SEMA4D: variants seen among roughly 807,000 people sequenced by gnomAD.
SEMA4D encodes the protein semaphorin 4D.
Under a neutral mutation model 74.8 loss-of-function variants are expected in SEMA4D, and 22 were observed. That is an observed-to-expected ratio of 0.29 (90% CI 0.21 to 0.42). The LOEUF (loss-of-function observed/expected upper bound fraction) is 0.42, where lower values mean the gene tolerates loss of function less well. SEMA4D is among the 10% of genes least tolerant of loss of function. SEMA4D has a pLI of 1.00. For synonymous variants in SEMA4D, 445 were observed against 463.7 expected, an observed-to-expected ratio of 0.96 and a Z score of 0.52; for missense variants, 937 against 1,118.4, an observed-to-expected ratio of 0.84 and a Z score of 2.31.
At chr9:89,404,539 T>C (rs117976945) in intron 3 of SEMA4D, among the ~76,000 whole-genome samples, 207 of 95,122 alleles carry the variant, frequency 2.2e-3, no homozygotes, top group Middle Eastern at 7.7e-3. Flanking sequence ...GAAGTGGAGT[T>C]CCTGTCCCGT....
intron 1 of SEMA4D, among the ~76,000 whole-genome samples, chr9:89,473,931 C>T (rs1861104165): frequency 1.3e-5 from 2 of 152,170 alleles, no homozygotes; most frequent in African/African-American, 4.8e-5. Context: ...TACAGAGACT[C>T]CAGGCTGGTC....
chr9:89,422,974 T>C (rs988891892), intron 2 of SEMA4D, among the ~76,000 whole-genome samples: 1 of 148,902 alleles, frequency 6.7e-6, no homozygotes, highest in Non-Finnish European at 1.5e-5. Context: ...GTGTCAGCAA[T>C]GTGTTCTTCT....
At chr9:89,371,062 GTCTGGGGTGTGGGGTGTGTGTTA>G (rs1834570206) in intron 16 of SEMA4D, among the ~76,000 whole-genome samples, 1 of 110,692 alleles carries the variant, frequency 9.0e-6, no homozygotes, top group Non-Finnish European at 1.9e-5. Context: ...GTATGTGTAT[GTCTGGGGTGTGGGGTGTGTGTTA>G]TGTCTGGGGT....
At chr9:89,487,763 A>G (rs556769840) in intron 1 of SEMA4D, among the ~76,000 whole-genome samples, 5 of 152,360 alleles carry the variant, frequency 3.3e-5, no homozygotes, top group Non-Finnish European at 5.9e-5. Flanking sequence ...ATCCATGTAT[A>G]ATAATATGAA....
At chr9:89,383,932 C>T (rs1588190812) in intron 13 of SEMA4D, among the ~76,000 whole-genome samples, 1 of 152,228 alleles carries the variant, frequency 6.6e-6, no homozygotes, top group African/African-American at 2.4e-5. Flanking sequence ...CTCATGCTCC[C>T]ATCTCTGTCT....
chr9:89,405,824 G>A (rs1720087470), intron 2 of SEMA4D, 125 bp from the exon 3 acceptor site: 1 of 1,292,032 alleles, frequency 7.7e-7, no homozygotes, highest in African/African-American at 1.5e-5. Context: ...AATACGGAAG[G>A]CAGCGGGGGA....
At chr9:89,372,635 C>T (rs1294355588), downstream of SEMA4D, among the ~76,000 whole-genome samples, 1 of 152,008 alleles carries the variant, frequency 6.6e-6, no homozygotes, top group African/African-American at 2.4e-5. Flanking sequence ...CCCAGCTGCT[C>T]CAGGCCCTGC....
intron 2 of SEMA4D, among the ~76,000 whole-genome samples, chr9:89,440,413 C>T (rs1851440751): frequency 1.3e-5 from 2 of 152,174 alleles, no homozygotes; most frequent in Admixed American, 1.3e-4. Flanking sequence ...CTCTTTGCTG[C>T]CTTTTGCTTA....
chr9:89,381,217 T>C lies in SEMA4D; in HGVS notation c.1576A>G (p.Thr526Ala), dbSNP rs1188718915. The change falls in exon 14 of 16, where the codon ACA becomes GCA. Residue 526 changes from threonine to alanine, a missense_variant. By Grantham distance (58) the Thr-to-Ala change is moderately conservative. Coordinates refer to ENST00000422704, the MANE Select transcript of SEMA4D (RefSeq NM_001371194.2). The surrounding 1 kb of genome is among the most constrained non-coding windows in gnomAD (Gnocchi z 4.6). ...RDPYCAWSPP[T>A]ATCVALHQTE... ...TGGTGCAGAGCCACGCAGGTCGCTG[T>C]GGGCGGGCTCCAGGCGCAGTAGGGG... 1 of 1,608,686 alleles carries C rather than the reference T, an allele frequency of 6.2e-7. No homozygotes were observed. Among genetic ancestry groups the C allele is most frequent in the Non-Finnish European group, 8.5e-7 (1 of 1,175,666 alleles).
intron 3 of SEMA4D, among the ~76,000 whole-genome samples, chr9:89,403,524 C>T (rs763887835): frequency 6.6e-6 from 1 of 152,192 alleles, no homozygotes; most frequent in Non-Finnish European, 1.5e-5. Flanking sequence ...TATCCATCAA[C>T]GAATGCAATT....
Position 89,475,444 on chromosome 9 carries a change from C to T in SEMA4D, c.-309-19491G>A, listed in dbSNP as rs115173557. ...CACAGCCTTGGCATGGGCTCAGCTC[C>T]CCACTCCCACCACACGGCCAGTGAC... is the stretch of plus-strand genomic sequence containing the variant. On this transcript the variant is annotated intron_variant, in intron 1 of 15. Transcript: ENST00000422704. Among the ~76,000 whole-genome samples, 960 of 152,336 alleles carry T rather than the reference C, an allele frequency of 6.3e-3. 11 individuals carry two copies. Among genetic ancestry groups the T allele is most frequent in the African/African-American group, 0.022 (905 of 41,574 alleles).
At chr9:89,457,243 G>A (rs933428752) in intron 1 of SEMA4D, among the ~76,000 whole-genome samples, 3 of 148,108 alleles carry the variant, frequency 2.0e-5, no homozygotes, top group Admixed American at 6.6e-5. Context: ...GCGCCTGACA[G>A]GTGGGGAGCA....
intron 1 of SEMA4D, among the ~76,000 whole-genome samples, chr9:89,467,475 G>A (rs1178752651): frequency 8.5e-6 from 1 of 117,006 alleles, no homozygotes; most frequent in Non-Finnish European, 1.7e-5. Context: ...CAGGAAATGT[G>A]TTATTTGTTT....
In SEMA4D at chr9:89,379,611, T is replaced by C. The variant is rs766685884; in HGVS notation, c.1682A>G (p.Tyr561Cys). 1 of 1,610,414 alleles carries C rather than the reference T, an allele frequency of 6.2e-7. No homozygotes were observed. The highest frequency in any genetic ancestry group is 1.7e-5 in the Admixed American group (1 of 59,770). Residue 561 changes from tyrosine (Y) to cysteine (C), a missense_variant, in exon 16 of 16, where the codon TAC (tyrosine) becomes TGC (cysteine). Physicochemically the swap from Tyr to Cys is radical, Grantham distance 194. Transcript: ENST00000422704. ...ACCGTGCTTGAAAAAATGCTGCCGGTAACTTCCTTTACTTTTATCTGGAAC... is the reference window on the plus strand; with the variant it reads ...ACCGTGCTTGAAAAAATGCTGCCGGCAACTTCCTTTACTTTTATCTGGAAC... ...SVCPDKSKGS[Y>C]RQHFFKHGGT...
At position 89,415,038 on chromosome 9, in the gene SEMA4D, G is replaced by C. The variant is rs768997465; in HGVS notation, c.-243-9339C>G. On this transcript the variant is annotated intron_variant, in intron 2 of 15. Transcript: ENST00000422704. ...CAAGCGCTATGAGGATGCACGCAGA[G>C]TGGCGGCACGAACAGGGCCCTTCAG... Among the ~76,000 whole-genome samples the C allele has an allele frequency of 7.7e-4, 118 of 152,376 alleles. 2 individuals carry two copies. Among genetic ancestry groups the C allele is most frequent in the Non-Finnish European group, 1.1e-3 (74 of 68,044 alleles).
At chr9:89,445,883 G>A (rs1025102679) in intron 2 of SEMA4D, among the ~76,000 whole-genome samples, 1 of 152,048 alleles carries the variant, frequency 6.6e-6, no homozygotes, top group Admixed American at 6.6e-5. Flanking sequence ...CAGCCTCTGC[G>A]TCCACCTCAG....
chr9:89,444,554 T>C (rs529736709), intron 2 of SEMA4D, among the ~76,000 whole-genome samples: 97 of 152,282 alleles, frequency 6.4e-4, no homozygotes, highest in Non-Finnish European at 1.2e-3. Context: ...ATTCAATTCA[T>C]TGGTCAAAGG....
chr9:89,405,238 C>A (rs73654775), intron 3 of SEMA4D, 113 bp downstream of exon 3: 60,189 of 866,546 alleles, frequency 0.069, 3,709 homozygotes, highest in East Asian at 0.27. Context: ...CCACCCGCCT[C>A]AGCATTCCAG....
chr9:89,410,449 G>T (rs1330401749), intron 2 of SEMA4D, among the ~76,000 whole-genome samples: 1 of 152,184 alleles, frequency 6.6e-6, no homozygotes, highest in Non-Finnish European at 1.5e-5. Flanking sequence ...GGGCCTGGAA[G>T]AAGTCACAAA....
Sources: gnomAD v4.1 joint callset for allele counts (sites outside exome capture counted in the v4.1 genomes callset) on GRCh38, gnomAD v4.1.1 for gene constraint, Gnocchi (gnomAD v3.1) non-coding constraint, MANE v1.5 for transcripts, NCBI Gene and HGNC (gene_info 2026-07-23, HGNC 2026-07-21) for gene names.